The following MYO5A variants were observed in gnomAD, a reference collection of about 807,000 sequenced individuals.
The protein encoded by MYO5A is unconventional myosin-Va.
A neutral mutation model predicts 249.7 loss-of-function variants in MYO5A; 98 were observed. The observed-to-expected ratio is 0.39, with a 90% CI of 0.33 to 0.46. The LOEUF is 0.46. Among genes scored for constraint, MYO5A ranks in the 20% least tolerant of loss-of-function variants. MYO5A has a pLI of 0.98. For missense variants in MYO5A, 1,696 were observed against 2,308.8 expected, an observed-to-expected ratio of 0.73 and a Z score of 5.44; for synonymous variants, 778 against 810.6, an observed-to-expected ratio of 0.96 and a Z score of 0.68.
At chr15:52,476,159 T>G (rs2076587394) in intron 1 of MYO5A, among the ~76,000 whole-genome samples, 1 of 152,234 alleles carries the variant, frequency 6.6e-6, no homozygotes, top group Admixed American at 6.5e-5. Flanking sequence ...CTTCTTTGTC[T>G]CTTCTGATCT....
intron 1 of MYO5A, among the ~76,000 whole-genome samples, chr15:52,449,500 C>G (rs2075969507): frequency 6.6e-6 from 1 of 152,194 alleles, no homozygotes; most frequent in Non-Finnish European, 1.5e-5. Context: ...CCTATGTATT[C>G]TTTAAGGGCT....
Position 52,389,337 on chromosome 15 carries a change from C to A in MYO5A, c.1569G>T (p.Trp523Cys). 6.2e-7 allele frequency: 1 copy of A among 1,612,816 alleles called. No individual in the cohort carries two copies. Among genetic ancestry groups the A allele is most frequent in the East Asian group, 2.2e-5 (1 of 44,826 alleles). The change falls in exon 13 of 42, where the codon TGG (tryptophan) becomes TGT (cysteine). Residue 523 changes from tryptophan to cysteine, a missense_variant. By Grantham distance (215) the Trp-to-Cys change is radical (BLOSUM62 -2). Around this residue, in one of 5 missense-constraint regions of MYO5A, gnomAD observed 277 missense variants for 422.4 expected, o/e 0.66. Coordinates refer to ENST00000399233, the MANE Select transcript of MYO5A (RefSeq NM_001382347.1). Reference protein sequence around the residue: ...CKMPKGTDDTWAQKLYNTHLN... With the variant: ...CKMPKGTDDTCAQKLYNTHLN... ...AATGTGTGTTGTACAATTTTTGGGC[C>A]CAGGTGTCATCTGTGCCTTTAGGCA...
intron 1 of MYO5A, among the ~76,000 whole-genome samples, chr15:52,501,226 C>T (rs1278520789): frequency 6.6e-6 from 1 of 152,128 alleles, no homozygotes; most frequent in Non-Finnish European, 1.5e-5. Context: ...CCGCCTCGGC[C>T]TCCCAAAGTG....
intron 1 of MYO5A, among the ~76,000 whole-genome samples, chr15:52,486,318 G>C (rs2076819328): frequency 6.6e-6 from 1 of 152,194 alleles, no homozygotes; most frequent in Non-Finnish European, 1.5e-5. Context: ...CAGTTTTACA[G>C]ATGAAAAAAC....
At chr15:52,357,451 G>GAAAAAAAAAAAAAA (rs2040291026) in intron 25 of MYO5A, among the ~76,000 whole-genome samples, 1 of 85,334 alleles carries the variant, frequency 1.2e-5, no homozygotes. Flanking sequence ...ACTAGAACTA[G>GAAAAAAAAAAAAAA]CAAAAAAAAA....
At chr15:52,388,087 T>G (rs887714420) in intron 13 of MYO5A, among the ~76,000 whole-genome samples, 175 bp from the exon 14 acceptor site, 3 of 152,256 alleles carry the variant, frequency 2.0e-5, no homozygotes, top group Non-Finnish European at 4.4e-5. Context: ...ATGTTAACTT[T>G]AGAGTAAAAC....
rs2042106251 is a variant in MYO5A at position 52,389,297 on chromosome 15, G to A, written c.1609C>T (p.Leu537Phe). The stretch of plus-strand genomic sequence containing the variant: ...TTTGATAGACGAGGCTTTTCAAAGA[G>A]TGCACATTTGTTCAAATGTGTGTTG... ...LYNTHLNKCA[L>F]FEKPRLSNKA... The change falls in exon 13 of 42, where the codon CTC (leucine) becomes TTC (phenylalanine). Residue 537 changes from leucine to phenylalanine, a missense_variant. Leu to Phe is a conservative substitution (Grantham distance 22). Around this residue, in one of 5 missense-constraint regions of MYO5A, gnomAD observed 277 missense variants for 422.4 expected, o/e 0.66. Coordinates refer to ENST00000399233, the MANE Select transcript of MYO5A (RefSeq NM_001382347.1). 1 of 1,612,726 alleles carries A rather than the reference G, an allele frequency of 6.2e-7. No homozygotes were observed. The highest frequency in any genetic ancestry group is 1.3e-5 in the African/African-American group (1 of 74,910).
At chr15:52,364,790 G>A (rs1483327498) in intron 23 of MYO5A, 88 bp from the exon 24 acceptor site, 5 of 1,501,890 alleles carry the variant, frequency 3.3e-6, no homozygotes, top group Admixed American at 3.4e-5. Context: ...CAGTTTCTCT[G>A]TAGGCAATTT....
chr15:52,397,613 A>C, intron 9 of MYO5A, 147 bp from the exon 10 acceptor site: 2 of 960,702 alleles, frequency 2.1e-6, no homozygotes, highest in Non-Finnish European at 3.2e-6. Context: ...ATTAGTGATA[A>C]TAATCACATT....
At chr15:52,438,251 C>G (rs1490178734) in intron 1 of MYO5A, among the ~76,000 whole-genome samples, 2 of 152,136 alleles carry the variant, frequency 1.3e-5, no homozygotes, top group Non-Finnish European at 2.9e-5. Flanking sequence ...TAAACTTGTC[C>G]AGTCACATCC....
chr15:52,412,760 A>T (rs1314984254), intron 5 of MYO5A, among the ~76,000 whole-genome samples: 1 of 152,210 alleles, frequency 6.6e-6, no homozygotes, highest in Non-Finnish European at 1.5e-5. Context: ...TGATCTTGGT[A>T]ATCTTGGTTT....
At chr15:52,450,561 C>G (rs112534403) in intron 1 of MYO5A, among the ~76,000 whole-genome samples, 1 of 150,452 alleles carries the variant, frequency 6.6e-6, no homozygotes, top group Non-Finnish European at 1.5e-5. Flanking sequence ...CCCAGCTACT[C>G]GGTAGGCTGA....
At chr15:52,486,094 C>A (rs911340201) in intron 1 of MYO5A, among the ~76,000 whole-genome samples, 2 of 152,134 alleles carry the variant, frequency 1.3e-5, no homozygotes, top group African/African-American at 4.8e-5. Context: ...ATTTTCAAAT[C>A]AAATTCCAAT....
Position 52,416,297 on chromosome 15 carries a change from C to T in MYO5A, c.460G>A (p.Glu154Lys), listed in dbSNP as rs1567105995. The change falls in exon 5 of 42, where the codon GAA (glutamate) becomes AAA (lysine). Residue 154 changes from glutamate (E) to lysine (K), a missense_variant. By Grantham distance (56) the Glu-to-Lys change is moderately conservative. Around this residue, in one of 5 missense-constraint regions of MYO5A, gnomAD observed 197 missense variants for 320.3 expected, o/e 0.62. Coordinates refer to ENST00000399233, the MANE Select transcript of MYO5A (RefSeq NM_001382347.1). ...CTTACGATGATGGACTGATTTCGTT[C>T]ATCTCTGTAAAATAAAAATTTTTTA... ...EEAYKQMARD[E>K]RNQSIIVSGE... 1.9e-6 allele frequency: 3 copies of T among 1,613,888 alleles called. No individual in the cohort carries two copies. Among genetic ancestry groups the T allele is most frequent in the Non-Finnish European group, 2.5e-6 (3 of 1,179,892 alleles).
intron 1 of MYO5A, among the ~76,000 whole-genome samples, chr15:52,509,870 A>C (rs1566868636): frequency 6.6e-6 from 1 of 151,880 alleles, no homozygotes; most frequent in African/African-American, 2.4e-5. Context: ...AATCTGTGCC[A>C]TTCTCCTTCT....
intron 1 of MYO5A, among the ~76,000 whole-genome samples, chr15:52,445,527 G>C (rs1005057616): frequency 9.9e-5 from 15 of 152,212 alleles, no homozygotes; most frequent in African/African-American, 3.6e-4. Flanking sequence ...AACTGAAAAT[G>C]TAGAAGCAAC....
At chr15:52,330,290 A>G in intron 35 of MYO5A, 63 bp downstream of exon 35, 1 of 1,600,576 alleles carries the variant, frequency 6.2e-7, no homozygotes, top group South Asian at 1.1e-5. Context: ...ATTAGTGACT[A>G]GTTTTTCCCA....
intron 15 of MYO5A, 124 bp downstream of exon 15, chr15:52,384,037 C>A (rs2041873848): frequency 2.6e-6 from 3 of 1,162,680 alleles, no homozygotes; most frequent in Middle Eastern, 2.9e-4. Flanking sequence ...CGTATGATCT[C>A]ACAGTGAAAG....
At chr15:52,322,296 T>G (rs1177432776) in intron 37 of MYO5A, among the ~76,000 whole-genome samples, 1 of 152,250 alleles carries the variant, frequency 6.6e-6, no homozygotes, top group African/African-American at 2.4e-5. Context: ...TCTCAGGGAC[T>G]AGGCCTTGCT....
Sources: allele counts gnomAD v4.1 joint callset (sites outside exome capture counted in the v4.1 genomes callset), GRCh38; gene constraint gnomAD v4.1.1; regional missense constraint gnomAD v4.1.1; transcripts MANE v1.5; gene names NCBI Gene and HGNC (gene_info 2026-07-23, HGNC 2026-07-21).